INAVA: variants seen among roughly 807,000 people sequenced by gnomAD.
INAVA encodes the protein innate immunity activator protein.
A neutral mutation model predicts 55.3 loss-of-function variants in INAVA; 32 were observed. The observed-to-expected ratio is 0.58, with a 90% CI of 0.44 to 0.78. INAVA has a LOEUF of 0.78. INAVA is among the 30% of genes least tolerant of loss of function. The pLI, the probability that INAVA is intolerant of heterozygous loss-of-function variation, is 0.00. For missense variants in INAVA, 756 were observed against 786.4 expected, an observed-to-expected ratio of 0.96 and a Z score of 0.46; for synonymous variants, 294 against 329.4, an observed-to-expected ratio of 0.89 and a Z score of 1.16.
At chr1:200,901,847 C>T (rs1386733449) in intron 5 of INAVA, among the ~76,000 whole-genome samples, 1 of 152,166 alleles carries the variant, frequency 6.6e-6, no homozygotes, top group Non-Finnish European at 1.5e-5. Flanking sequence ...CGTGGGGGCA[C>T]CTAGTGAGTT....
upstream of INAVA, among the ~76,000 whole-genome samples, chr1:200,894,642 C>A (rs998489036): frequency 6.6e-6 from 1 of 152,140 alleles, no homozygotes; most frequent in Non-Finnish European, 1.5e-5. Flanking sequence ...GACAGGAGGG[C>A]ACGCAGGTAC....
Position 200,908,736 on chromosome 1 carries a change from C to A in INAVA, c.581C>A (p.Ser194Tyr). The A allele has an allele frequency of 6.4e-7, 1 of 1,568,606 alleles. No homozygotes were observed. The highest frequency in any genetic ancestry group is 8.6e-7 in the Non-Finnish European group (1 of 1,158,884). Residue 194 changes from serine to tyrosine, a missense_variant, in exon 7 of 10, where the codon TCC (serine) becomes TAC (tyrosine). Physicochemically the swap from Ser to Tyr is moderately radical, Grantham distance 144. Transcript: ENST00000413687. ...SDGLLLEEEESQVPKPPPESP... is the reference protein window; with the variant it reads ...SDGLLLEEEEYQVPKPPPESP... ...GTTTCTTTTACTCCTGCAGAGGAAT[C>A]CCAAGTGCCAAAACCTCCTCCAGAG... is the stretch of plus-strand genomic sequence containing the variant.
rs1228142099 is a variant in INAVA, at chr1:200,894,939, AGACG to A, written c.-233_-230del. On this transcript the variant is annotated 5_prime_UTR_variant, in exon 1 of 10. Coordinates refer to ENST00000413687, the MANE Select transcript of INAVA (RefSeq NM_001142569.3). ...GACGGCAAGGTAGGCAGGTGAGCCG[AGACG>A]GACGGACGGCCAGCAGCTCCGTCAG... The A allele has an allele frequency of 3.0e-6, 3 of 985,560 alleles. No individual in the cohort carries two copies. Among genetic ancestry groups the A allele is most frequent in the African/African-American group, 1.7e-5 (1 of 57,170 alleles). The allele number at this position is 985,560 out of a possible 1,614,324, so 61.1% of individuals were successfully genotyped here.
At chr1:200,910,293 T>C (rs1653662058) in intron 8 of INAVA, among the ~76,000 whole-genome samples, 1 of 152,184 alleles carries the variant, frequency 6.6e-6, no homozygotes, top group East Asian at 1.9e-4. Context: ...GAAAGCACTG[T>C]GTATATTGCT....
chr1:200,896,555 A>G (rs1431521009), intron 1 of INAVA, among the ~76,000 whole-genome samples: 1 of 152,184 alleles, frequency 6.6e-6, no homozygotes, highest in Non-Finnish European at 1.5e-5. Context: ...TAAAAAAAAT[A>G]ATTCTCCCAT....
rs149344339 is a variant in INAVA, at chr1:200,905,513, T to G, written c.521-2321T>G. Among the ~76,000 whole-genome samples the G allele has an allele frequency of 4.5e-3, 678 of 152,328 alleles. 5 individuals carry two copies. Among genetic ancestry groups the G allele is most frequent in the African/African-American group, 0.016 (663 of 41,582 alleles). On this transcript the variant is annotated intron_variant, in intron 5 of 9. Coordinates refer to ENST00000413687, the MANE Select transcript of INAVA (RefSeq NM_001142569.3). ...CTGCAGTGAGCTGTGATCGGGCCAC[T>G]GCACTCCAGCCTAGGCAACATTGTA...
rs1333467072 is a variant in INAVA at position 200,900,149 on chromosome 1, GA to G, written c.230del (p.Lys77ArgfsTer26). 1 of 1,614,036 alleles carries G rather than the reference GA, an allele frequency of 6.2e-7. No homozygotes were observed. The highest frequency in any genetic ancestry group is 8.5e-7 in the Non-Finnish European group (1 of 1,179,916). On this transcript the variant is annotated frameshift_variant, in exon 4 of 10. Coordinates refer to ENST00000413687, the MANE Select transcript of INAVA (RefSeq NM_001142569.3). LOFTEE classifies it high-confidence loss of function. Reference protein sequence around the residue: ...LPAEYPLKPGEKAPKVRRRIG... With the variant: ...LPAEYPLKPGXKAPKVRRRIG... ...AGCGGAGTATCCCCTCAAACCAGGGGAAAAGGCCCCCAAGGTTCGCCGCAGG... is the reference window on the plus strand; with the variant it reads ...AGCGGAGTATCCCCTCAAACCAGGGGAAAGGCCCCCAAGGTTCGCCGCAGG...
At chr1:200,899,673 C>G in intron 3 of INAVA, 76 bp downstream of exon 3, 3 of 1,555,108 alleles carry the variant, frequency 1.9e-6, no homozygotes, top group Non-Finnish European at 2.6e-6. Context: ...GATGCGGGAG[C>G]TGGGGAGAGG....
Position 200,908,755 on chromosome 1 carries a change from T to C in INAVA, c.600T>C (p.Pro200=). 6.3e-7 allele frequency: 1 copy of C among 1,596,556 alleles called. No homozygotes were observed. The highest frequency in any genetic ancestry group is 1.1e-5 in the South Asian group (1 of 88,842). ...EEEESQVPKP[P]PESPAPPSRP... ...AGGAATCCCAAGTGCCAAAACCTCCTCCAGAGTCTCCAGCCCCACCTTCTC... is the reference window on the plus strand; with the variant it reads ...AGGAATCCCAAGTGCCAAAACCTCCCCCAGAGTCTCCAGCCCCACCTTCTC... Residue 200 remains proline (P), a synonymous_variant, in exon 7 of 10, where the codon CCT becomes CCC. Coordinates refer to ENST00000413687, the MANE Select transcript of INAVA (RefSeq NM_001142569.3).
chr1:200,911,715 G>A lies in INAVA; in HGVS notation c.1222G>A (p.Gly408Arg). ...LSPPKTHRHR[G>R]AWVPAGSREL... ...CCCTCCCAAGACCCATCGTCACCGC[G>A]GGGCCTGGGTCCCAGCCGGCAGCAG... Residue 408 changes from glycine to arginine, a missense_variant, in exon 9 of 10, where the codon GGG becomes AGG. Gly to Arg is a moderately radical substitution (Grantham distance 125). Transcript: ENST00000413687. 2.5e-6 allele frequency: 4 copies of A among 1,613,204 alleles called. No homozygotes were observed. The highest frequency in any genetic ancestry group is 2.2e-5 in the South Asian group (2 of 91,042).
At chr1:200,901,922 G>A (rs1309200759) in intron 5 of INAVA, among the ~76,000 whole-genome samples, 1 of 152,172 alleles carries the variant, frequency 6.6e-6, no homozygotes, top group Non-Finnish European at 1.5e-5. Context: ...CCAACAGGTG[G>A]TTCTGAGCCC....
chr1:200,900,793 C>T (rs953881636), intron 4 of INAVA, 144 bp from the exon 5 acceptor site: 10 of 585,690 alleles, frequency 1.7e-5, no homozygotes, highest in East Asian at 3.1e-5. Flanking sequence ...GCTCCACGTC[C>T]GTCCATTGGT....
chr1:200,902,564 A>G (rs890520406), intron 5 of INAVA, among the ~76,000 whole-genome samples: 1 of 152,254 alleles, frequency 6.6e-6, no homozygotes, highest in Non-Finnish European at 1.5e-5. Context: ...GCTCTAATGG[A>G]AGACAAGTTC....
chr1:200,896,491 T>C (rs2102300196), intron 1 of INAVA, among the ~76,000 whole-genome samples: 1 of 152,260 alleles, frequency 6.6e-6, no homozygotes, highest in Non-Finnish European at 1.5e-5. Context: ...GGTTCCAGAA[T>C]ATATGGCCAA....
chr1:200,894,559 G>A (rs1354838243), upstream of INAVA, among the ~76,000 whole-genome samples: 2 of 152,084 alleles, frequency 1.3e-5, no homozygotes, highest in Non-Finnish European at 2.9e-5. Context: ...CCTTGCTTCC[G>A]GGGTGCTTAA....
At chr1:200,902,263 G>C (rs780580892) in intron 5 of INAVA, among the ~76,000 whole-genome samples, 19 of 152,232 alleles carry the variant, frequency 1.2e-4, no homozygotes, top group Non-Finnish European at 2.9e-5. Context: ...GCCCTTGCTA[G>C]TCCCTGTGCC....
chr1:200,900,794 G>A (rs768908020), intron 4 of INAVA, 143 bp from the exon 5 acceptor site: 4 of 597,094 alleles, frequency 6.7e-6, no homozygotes, highest in South Asian at 5.0e-5. Flanking sequence ...CTCCACGTCC[G>A]TCCATTGGTG....
At chr1:200,910,801 A>G (rs1343576980) in intron 8 of INAVA, among the ~76,000 whole-genome samples, 1 of 152,222 alleles carries the variant, frequency 6.6e-6, no homozygotes, top group Non-Finnish European at 1.5e-5. Context: ...GCCTTTGTGC[A>G]AATTAGGAAA....
rs187905312 is a variant in INAVA at position 200,905,420 on chromosome 1, T to G, written c.521-2414T>G. On this transcript the variant is annotated intron_variant, in intron 5 of 9. Transcript: ENST00000413687. ...TAAAAAAATTGGATAGGCATGGTTGTGGACACCTATAGTCCCAGCTACTCA... is the reference window on the plus strand; with the variant it reads ...TAAAAAAATTGGATAGGCATGGTTGGGGACACCTATAGTCCCAGCTACTCA... Among the ~76,000 whole-genome samples, 11 of 152,274 alleles carry G rather than the reference T, an allele frequency of 7.2e-5. No individual in the cohort carries two copies. The East Asian group carries it at 2.1e-3, about 29-fold the overall frequency.
Sources: allele counts gnomAD v4.1 joint callset (sites outside exome capture counted in the v4.1 genomes callset), GRCh38; gene constraint gnomAD v4.1.1; transcripts MANE v1.5; gene names NCBI Gene and HGNC (gene_info 2026-07-23, HGNC 2026-07-21).